SI: variants seen among roughly 807,000 people sequenced by gnomAD.
The protein encoded by SI is sucrase-isomaltase, intestinal.
In SI, 235 loss-of-function variants were observed where a neutral mutation model predicts 253.3. The ratio of observed to expected loss-of-function variants is 0.93; its 90% CI spans 0.83 to 1.03. The LOEUF is 1.03. Ranked by LOEUF, SI falls within the 50% of genes least tolerant of loss-of-function variation. SI has a pLI of 0.00. For synonymous variants in SI, 819 were observed against 712.0 expected (o/e 1.15, Z -2.39); for missense variants, 2,442 against 2,211.1 (o/e 1.10, Z -2.09).
chr3:165,067,017 T>C (rs972820996), intron 6 of SI, among the ~76,000 whole-genome samples: 22 of 151,984 alleles, frequency 1.4e-4, no homozygotes, highest in African/African-American at 4.6e-4. Flanking sequence ...ATTCTACAAA[T>C]TGGCAACAAA....
In SI at chr3:165,055,338, T is replaced by TA. The variant is rs1435738116; in HGVS notation, c.1399-32dup. On this transcript the variant is annotated intron_variant, in intron 12 of 47. Coordinates refer to ENST00000264382, the MANE Select transcript of SI (RefSeq NM_001041.4). ...AGAATAGATCATTCACATATATACATAAAAAATAGAAAAATAAATAAATGG... is the reference window on the plus strand; with the variant it reads ...AGAATAGATCATTCACATATATACATAAAAAAATAGAAAAATAAATAAATGG... 4 of 1,118,050 alleles carry TA rather than the reference T, an allele frequency of 3.6e-6. No individual in the cohort carries two copies. The South Asian group carries it at 5.3e-5, about 15-fold the overall frequency. The allele number at this position is 1,118,050 out of a possible 1,614,324, so 69.3% of individuals were successfully genotyped here.
intron 18 of SI, 94 bp downstream of exon 18, chr3:165,040,846 A>T: frequency 1.0e-6 from 1 of 987,050 alleles, no homozygotes; most frequent in African/African-American, 1.6e-5. Context: ...GCAGAAGTTT[A>T]ATTGATATCT....
At chr3:165,041,966 G>C (rs948999348) in intron 17 of SI, among the ~76,000 whole-genome samples, 3 of 151,992 alleles carry the variant, frequency 2.0e-5, no homozygotes, top group Admixed American at 1.3e-4. Flanking sequence ...ATTGAAACTT[G>C]GTTAGAACTA....
chr3:164,987,326 TA>T, intron 44 of SI, 100 bp from the exon 45 acceptor site: 3 of 952,626 alleles, frequency 3.1e-6, no homozygotes, highest in Non-Finnish European at 5.1e-6. Flanking sequence ...ACCCAAGCAT[TA>T]AGGAGTGTGC....
chr3:165,067,516 A>G (rs1225698481), intron 5 of SI, 25 bp from the exon 6 acceptor site: 37 of 1,573,354 alleles, frequency 2.4e-5, no homozygotes, highest in Non-Finnish European at 3.1e-5. Context: ...GCAAGGTAGC[A>G]TTACTGGATT....
chr3:165,053,378 A>T (rs1360314263), intron 13 of SI, among the ~76,000 whole-genome samples: 2 of 152,170 alleles, frequency 1.3e-5, no homozygotes, highest in African/African-American at 2.4e-5. Context: ...TTATCAGTTG[A>T]ATAACAACTT....
intron 3 of SI, among the ~76,000 whole-genome samples, chr3:165,069,584 G>A (rs1216231874): frequency 6.6e-6 from 1 of 151,944 alleles, no homozygotes; most frequent in African/African-American, 2.4e-5. Context: ...AAACTAGGAG[G>A]ATGAAAATAT....
the SI span, among the ~76,000 whole-genome samples, chr3:165,088,297 G>A: frequency 6.6e-6 from 1 of 151,888 alleles, no homozygotes; most frequent in Non-Finnish European, 1.5e-5. Flanking sequence ...AGTGAGCCCA[G>A]AACACACCAC....
rs539210624 is a variant in SI, at chr3:165,058,062, A to T, written c.1398+901T>A. ...AACAAGTCTTAAAATATTTTTTTTT[A>T]AAAAATTGAAATCATATCAACTATT... On this transcript the variant is annotated intron_variant, in intron 12 of 47. Transcript: ENST00000264382. 3.8e-3 allele frequency among the ~76,000 whole-genome samples: 116 copies of T among 30,910 alleles called. 1 individual carries two copies. Among genetic ancestry groups the T allele is most frequent in the East Asian group, 6.3e-3 (1 of 160 alleles). 20.3% of individuals were successfully genotyped at this position (30,910 alleles called of 152,430 possible).
In SI at chr3:165,067,629, T is replaced by G. The variant is rs1347720206; in HGVS notation, c.484-138A>C. On this transcript the variant is annotated intron_variant, in intron 5 of 47. Coordinates refer to ENST00000264382, the MANE Select transcript of SI (RefSeq NM_001041.4). ...CATAGAAGAGTATTAATTCAGAACCTTAATTTTAATATTTTTGAATGGCTA... is the reference window on the plus strand; with the variant it reads ...CATAGAAGAGTATTAATTCAGAACCGTAATTTTAATATTTTTGAATGGCTA... 5.6e-6 allele frequency: 4 copies of G among 720,510 alleles called. 1 individual carries two copies. The highest frequency in any genetic ancestry group is 5.2e-5 in the East Asian group (2 of 38,176). 44.6% of individuals were successfully genotyped at this position (720,510 alleles called of 1,614,324 possible).
At chr3:165,074,795 T>A (rs1714841582) in intron 2 of SI, 128 bp from the exon 3 acceptor site, 1 of 807,248 alleles carries the variant, frequency 1.2e-6, no homozygotes, top group African/African-American at 1.7e-5. Flanking sequence ...AAAATAAATT[T>A]TGCATTTAAA....
chr3:164,998,305 G>A (rs1210454537), intron 38 of SI, among the ~76,000 whole-genome samples: 1 of 151,562 alleles, frequency 6.6e-6, no homozygotes, highest in Non-Finnish European at 1.5e-5. Context: ...GGAAACTCAG[G>A]CCAATAACAA....
intron 26 of SI, 134 bp from the exon 27 acceptor site, chr3:165,021,517 A>G: frequency 1.4e-6 from 1 of 731,644 alleles, no homozygotes; most frequent in African/African-American, 1.8e-5. Flanking sequence ...TTCTACATTC[A>G]TGGTCCATAT....
At position 165,030,695 on chromosome 3, in the gene SI, G is replaced by A. The variant is rs2108202247; in HGVS notation, c.2892+17C>T. On this transcript the variant is annotated intron_variant, in intron 25 of 47. Coordinates refer to ENST00000264382, the MANE Select transcript of SI (RefSeq NM_001041.4). Reference sequence around the variant, plus strand: ...TGTGATAACCATATCATGAGTAATAGTTAAAATTATTATTACCGTTCTCCA... The same window carrying A: ...TGTGATAACCATATCATGAGTAATAATTAAAATTATTATTACCGTTCTCCA... The A allele has an allele frequency of 1.2e-6, 2 of 1,605,426 alleles. No individual in the cohort carries two copies. The highest frequency in any genetic ancestry group is 2.2e-5 in the East Asian group (1 of 44,616).
At chr3:165,005,194 C>G (rs1406647229) in intron 37 of SI, among the ~76,000 whole-genome samples, 1 of 151,956 alleles carries the variant, frequency 6.6e-6, no homozygotes, top group Non-Finnish European at 1.5e-5. Context: ...CAGGTAGTAT[C>G]TTTATGAAAG....
chr3:164,993,670 A>G (rs1445578377), intron 41 of SI, among the ~76,000 whole-genome samples: 1 of 151,762 alleles, frequency 6.6e-6, no homozygotes, highest in Non-Finnish European at 1.5e-5. Flanking sequence ...ATTTGATTGT[A>G]TTCAACTTAA....
chr3:165,076,079 C>A, intron 1 of SI, 67 bp from the exon 2 acceptor site: 2 of 1,138,688 alleles, frequency 1.8e-6, no homozygotes, highest in Non-Finnish European at 1.2e-6. Flanking sequence ...ACCAACAATT[C>A]TCATGAAATT....
intron 20 of SI, among the ~76,000 whole-genome samples, chr3:165,038,832 AAAT>A (rs1560001854): frequency 2.0e-5 from 3 of 152,084 alleles, no homozygotes; most frequent in Non-Finnish European, 2.9e-5. Flanking sequence ...ATTTAAAAAT[AAAT>A]AATATCTCTT....
rs1411237342 is a variant in SI at position 165,018,242 on chromosome 3, AT to A, written c.3424-177del. On this transcript the variant is annotated intron_variant, in intron 28 of 47. Coordinates refer to ENST00000264382, the MANE Select transcript of SI (RefSeq NM_001041.4). Reference sequence around the variant, plus strand: ...GTCTCCCTAGAATATAATTGTTTAAATTTTTTCTGCTTTCGTGCAGTTTACA... The same window carrying A: ...GTCTCCCTAGAATATAATTGTTTAAATTTTTCTGCTTTCGTGCAGTTTACA... 2.6e-5 allele frequency among the ~76,000 whole-genome samples: 4 copies of A among 151,342 alleles called. No homozygotes were observed. In the East Asian group the frequency reaches 5.8e-4, roughly 22 times the overall value.
Sources: allele counts gnomAD v4.1 joint callset (sites outside exome capture counted in the v4.1 genomes callset), GRCh38; gene constraint gnomAD v4.1.1; transcripts MANE v1.5; gene names NCBI Gene and HGNC (gene_info 2026-07-23, HGNC 2026-07-21).